SNX24: variants seen among roughly 807,000 people sequenced by gnomAD.
SNX24 encodes sorting nexin-24.
SNX24 carries 22 observed loss-of-function variants against 28.7 expected under a neutral mutation model. The observed-to-expected ratio is 0.77, with a 90% CI of 0.55 to 1.10. The LOEUF (loss-of-function observed/expected upper bound fraction) is 1.10. Among genes scored for constraint, SNX24 ranks in the 50% least tolerant of loss-of-function variants. The pLI, the probability that SNX24 is intolerant of heterozygous loss-of-function variation, is 0.00. For synonymous variants in SNX24, 69 were observed against 71.5 expected, an observed-to-expected ratio of 0.96 and a Z score of 0.18; for missense variants, 221 against 201.1, an observed-to-expected ratio of 1.10 and a Z score of -0.60.
chr5:122,964,444 T>C lies in SNX24; in HGVS notation c.249+18285T>C, dbSNP rs867557961. On this transcript the variant is annotated intron_variant, in intron 3 of 6. Coordinates refer to ENST00000261369, the MANE Select transcript of SNX24 (RefSeq NM_014035.4). ...CAGGCCAGCTCCTAACTAATAAATA[T>C]TAATAGTGGCCCATAATGTCAAAAT... 3.9e-5 allele frequency among the ~76,000 whole-genome samples: 6 copies of C among 152,014 alleles called. No individual in the cohort carries two copies. The South Asian group carries it at 1.2e-3, about 32-fold the overall frequency.
At chr5:122,846,122 T>A (rs544349647) in intron 1 of SNX24, among the ~76,000 whole-genome samples, 20 of 152,086 alleles carry the variant, frequency 1.3e-4, no homozygotes, top group East Asian at 5.8e-4. Context: ...TTTTTTTTTT[T>A]AAATCATAAT....
chr5:122,890,934 A>G (rs945366785), intron 1 of SNX24: 2 of 1,215,466 alleles, frequency 1.6e-6, no homozygotes, highest in African/African-American at 3.1e-5. Context: ...TATCCCTTCA[A>G]GATTTTTCTG....
chr5:122,887,355 A>T (rs1198448146), intron 1 of SNX24, among the ~76,000 whole-genome samples: 1 of 152,224 alleles, frequency 6.6e-6, no homozygotes, highest in Non-Finnish European at 1.5e-5. Flanking sequence ...AATAGTTTAA[A>T]GACTTTTCTC....
chr5:123,026,184 A>T (rs1337249217), intron 5 of SNX24, among the ~76,000 whole-genome samples: 1 of 152,216 alleles, frequency 6.6e-6, no homozygotes, highest in African/African-American at 2.4e-5. Flanking sequence ...GAAAGCCTTA[A>T]ATATGGCACA....
chr5:122,846,794 T>G, intron 1 of SNX24, among the ~76,000 whole-genome samples: 1 of 152,156 alleles, frequency 6.6e-6, no homozygotes, highest in South Asian at 2.1e-4. Flanking sequence ...CTGAAACAAG[T>G]TGTTAAAGTG....
intron 1 of SNX24, among the ~76,000 whole-genome samples, chr5:122,862,171 T>C (rs1188141835): frequency 1.3e-5 from 2 of 151,880 alleles, no homozygotes; most frequent in South Asian, 2.1e-4. Context: ...CGTACTGGGG[T>C]TGGAGCTTAA....
At chr5:122,977,259 G>A (rs1171166592) in intron 3 of SNX24, among the ~76,000 whole-genome samples, 1 of 151,874 alleles carries the variant, frequency 6.6e-6, no homozygotes, top group Non-Finnish European at 1.5e-5. Flanking sequence ...CTTTTTCATC[G>A]GAACAGGGGA....
At chr5:123,001,114 C>T (rs1335845151) in intron 4 of SNX24, among the ~76,000 whole-genome samples, 8 of 152,204 alleles carry the variant, frequency 5.3e-5, no homozygotes, top group Non-Finnish European at 1.2e-4. Flanking sequence ...TTAGAATAGA[C>T]ATTAGCAATG....
chr5:123,008,551 T>G lies in SNX24; in HGVS notation c.*802T>G, dbSNP rs1167003747. 3 of 119,998 alleles carry G rather than the reference T, an allele frequency of 2.5e-5. No individual in the cohort carries two copies. The highest frequency in any genetic ancestry group is 1.1e-4 in the African/African-American group (3 of 26,564). 7.4% of individuals were successfully genotyped at this position (119,998 alleles called of 1,614,324 possible). Reference sequence around the variant, plus strand: ...TTGTTGGTGTTTGTTTAGGGGCCATTTTGTTAAAAAAAAAAAAAAAAAAGC... The same window carrying G: ...TTGTTGGTGTTTGTTTAGGGGCCATGTTGTTAAAAAAAAAAAAAAAAAAGC... On this transcript the variant is annotated 3_prime_UTR_variant, in exon 7 of 7. Coordinates refer to ENST00000261369, the MANE Select transcript of SNX24 (RefSeq NM_014035.4).
At chr5:122,925,988 GGTGT>G (rs898264308) in intron 1 of SNX24, among the ~76,000 whole-genome samples, 1 of 152,118 alleles carries the variant, frequency 6.6e-6, no homozygotes, top group African/African-American at 2.4e-5. Flanking sequence ...GTATGTGTGT[GGTGT>G]GTGTATGTGA....
intron 1 of SNX24, among the ~76,000 whole-genome samples, chr5:122,923,422 A>G (rs551572965): frequency 6.6e-6 from 1 of 152,258 alleles, no homozygotes; most frequent in East Asian, 1.9e-4. Flanking sequence ...TGTGATCTTT[A>G]GGAGCTTACT....
chr5:123,015,566 G>A (rs1762664902), intron 5 of SNX24, among the ~76,000 whole-genome samples: 1 of 152,126 alleles, frequency 6.6e-6, no homozygotes, highest in African/African-American at 2.4e-5. Context: ...TGAACCAGTA[G>A]CATCAGCATC....
chr5:122,848,642 G>A (rs1754758759), intron 1 of SNX24, among the ~76,000 whole-genome samples: 1 of 152,128 alleles, frequency 6.6e-6, no homozygotes, highest in Non-Finnish European at 1.5e-5. Context: ...CCCGGAGGCG[G>A]AGGTTGCAGA....
intron 1 of SNX24, among the ~76,000 whole-genome samples, chr5:122,886,244 G>T (rs1025089712): frequency 1.3e-5 from 2 of 152,158 alleles, no homozygotes; most frequent in African/African-American, 2.4e-5. Flanking sequence ...TTTAGTAATT[G>T]CTTTGCAAAT....
At chr5:123,011,200 A>G (rs1436961673), downstream of SNX24, among the ~76,000 whole-genome samples, 1 of 151,424 alleles carries the variant, frequency 6.6e-6, no homozygotes, top group African/African-American at 2.4e-5. Context: ...AAACCAGAGG[A>G]AGGAAAAGGA....
At chr5:123,015,491 A>G (rs1171320388) in intron 5 of SNX24, among the ~76,000 whole-genome samples, 1 of 152,132 alleles carries the variant, frequency 6.6e-6, no homozygotes, top group Non-Finnish European at 1.5e-5. Context: ...TACCTAAGCT[A>G]ATTCAGTGTT....
At chr5:122,856,349 G>A (rs1271776499) in intron 1 of SNX24, among the ~76,000 whole-genome samples, 1 of 152,016 alleles carries the variant, frequency 6.6e-6, no homozygotes, top group Non-Finnish European at 1.5e-5. Context: ...TATATGTACC[G>A]AGATTTCTTT....
chr5:122,858,605 A>T (rs140642895), intron 1 of SNX24, among the ~76,000 whole-genome samples: 152 of 152,314 alleles, frequency 1.0e-3, no homozygotes, highest in African/African-American at 3.4e-3. Context: ...TCCCATCCAT[A>T]GGGACTGTGG....
At position 122,946,157 on chromosome 5, in the gene SNX24, C is replaced by G; in HGVS notation, c.247C>G (p.Gln83Glu). The change falls in exon 3 of 7, where the codon CAG becomes GAG. Residue 83 changes from glutamine to glutamate, a missense_variant and splice_region_variant. By Grantham distance (29) the Gln-to-Glu change is conservative. Coordinates refer to ENST00000261369, the MANE Select transcript of SNX24 (RefSeq NM_014035.4). ...QRRQGLETYL[Q>E]AVILENEELP... ...ACGACAAGGCTTGGAAACATACTTA[C>G]AGGTAAGATATGTTTAGATCCTCAT... 6.4e-7 allele frequency: 1 copy of G among 1,557,542 alleles called. No homozygotes were observed. The highest frequency in any genetic ancestry group is 8.8e-7 in the Non-Finnish European group (1 of 1,130,440).
Sources: gnomAD v4.1 joint callset for allele counts (sites outside exome capture counted in the v4.1 genomes callset) on GRCh38, gnomAD v4.1.1 for gene constraint, MANE v1.5 for transcripts, NCBI Gene and HGNC (gene_info 2026-07-23, HGNC 2026-07-21) for gene names.